FBXO31: variants seen among roughly 807,000 people sequenced by gnomAD.
FBXO31 encodes the protein F-box protein 31.
Under a neutral mutation model 54.4 loss-of-function variants are expected in FBXO31, and 24 were observed. The ratio of observed to expected loss-of-function variants is 0.44; its 90% confidence interval spans 0.32 to 0.62. FBXO31 has a LOEUF of 0.62. Among genes scored for constraint, FBXO31 ranks in the 20% least tolerant of loss-of-function variants. The pLI is 0.05. For synonymous variants in FBXO31, 388 were observed against 335.6 expected (o/e 1.16, Z -1.71); for missense variants, 665 against 787.1 (o/e 0.84, Z 1.86).
rs936419480 is a variant in FBXO31, at chr16:87,336,720, C to T, written c.733-456G>A. Among the ~76,000 whole-genome samples the T allele has an allele frequency of 1.3e-5, 2 of 152,142 alleles. No individual in the cohort carries two copies. Among genetic ancestry groups the T allele is most frequent in the Non-Finnish European group, 2.9e-5 (2 of 68,028 alleles). On this transcript the variant is annotated intron_variant, in intron 5 of 8. Coordinates refer to ENST00000311635, the MANE Select transcript of FBXO31 (RefSeq NM_024735.5). This position sits in a 1 kb window ranked among gnomAD's most constrained non-coding sequence, Gnocchi z 6.5. ...CCCTCACCACCAACCCTGAGCCGTG[C>T]GAGTCAGCCAAGGACGATGCACTGA... is the stretch of plus-strand genomic sequence containing the variant.
intron 2 of FBXO31, 52 bp from the exon 3 acceptor site, chr16:87,347,302 G>A (rs767485674): frequency 1.3e-6 from 2 of 1,537,702 alleles, no homozygotes; most frequent in African/African-American, 2.7e-5. Context: ...GCGTGCCGCA[G>A]GGAGCCCAGG....
chr16:87,346,376 C>A lies in FBXO31; in HGVS notation c.489+798G>T, dbSNP rs1419087876. On this transcript the variant is annotated intron_variant, in intron 3 of 8. Coordinates refer to ENST00000311635, the MANE Select transcript of FBXO31 (RefSeq NM_024735.5). This position sits in a 1 kb window ranked among gnomAD's most constrained non-coding sequence, Gnocchi z 4.2. Reference sequence around the variant, plus strand: ...CAGGAGAAAAGGCGGGGGCTAGACTCGAAAGAAACTTTCACTACTGTACCC... The same window carrying A: ...CAGGAGAAAAGGCGGGGGCTAGACTAGAAAGAAACTTTCACTACTGTACCC... Among the ~76,000 whole-genome samples the A allele has an allele frequency of 6.6e-6, 1 of 152,048 alleles. No homozygotes were observed. The highest frequency in any genetic ancestry group is 1.5e-5 in the Non-Finnish European group (1 of 68,022).
intron 1 of FBXO31, among the ~76,000 whole-genome samples, chr16:87,379,666 C>T (rs1906987265): frequency 6.6e-6 from 1 of 152,108 alleles, no homozygotes; most frequent in Non-Finnish European, 1.5e-5. Context: ...CATCCATCAG[C>T]CAGGGTCTGT....
chr16:87,380,421 C>T (rs977347412), intron 1 of FBXO31, among the ~76,000 whole-genome samples: 2 of 150,604 alleles, frequency 1.3e-5, no homozygotes, highest in African/African-American at 2.4e-5. Flanking sequence ...GTTTTTTTTG[C>T]GAAAGGGTCT....
upstream of FBXO31, among the ~76,000 whole-genome samples, chr16:87,388,189 G>A (rs1046571158): frequency 3.3e-5 from 5 of 152,210 alleles, no homozygotes; most frequent in Non-Finnish European, 5.9e-5. Context: ...TTTACCACGC[G>A]TTCTACTTTG....
rs1417382297 is a variant in FBXO31, at chr16:87,330,673, T to G, written c.*615A>C. 1.3e-5 allele frequency: 2 copies of G among 152,630 alleles called. No individual in the cohort carries two copies. The highest frequency in any genetic ancestry group is 3.9e-4 in the East Asian group (2 of 5,174). 9.5% of individuals were successfully genotyped at this position (152,630 alleles called of 1,614,324 possible). A position where few individuals can be genotyped will look rare whatever the true frequency, so the allele number is the denominator to read the frequency against. ...AAGCTGAGATCAGAGGTGAAATGCT[T>G]CTGTCCAAACTCCAAGCAAGCCGGT... is the stretch of plus-strand genomic sequence containing the variant. On this transcript the variant is annotated 3_prime_UTR_variant, in exon 9 of 9. Transcript: ENST00000311635.
intron 2 of FBXO31, among the ~76,000 whole-genome samples, chr16:87,359,123 G>A (rs1023578365): frequency 6.6e-6 from 1 of 152,232 alleles, no homozygotes; most frequent in African/African-American, 2.4e-5. Context: ...ATTTGCTTTG[G>A]CCACTGCAGA....
At chr16:87,347,127 C>T (rs1905423197) in intron 3 of FBXO31, 47 bp downstream of exon 3, 3 of 1,541,738 alleles carry the variant, frequency 1.9e-6, no homozygotes, top group Non-Finnish European at 2.7e-6. Flanking sequence ...ACGTAAGGCA[C>T]CACTCCTGCC....
intron 5 of FBXO31, among the ~76,000 whole-genome samples, chr16:87,339,558 G>A (rs57204345): frequency 0.15 from 23,093 of 152,230 alleles, 2,026 homozygotes; most frequent in South Asian, 0.34. Flanking sequence ...ACCGTCAGCA[G>A]CCCCAGCCTC....
intron 8 of FBXO31, 71 bp downstream of exon 8, chr16:87,333,815 T>C: frequency 6.7e-7 from 1 of 1,503,366 alleles, no homozygotes; most frequent in East Asian, 2.3e-5. Context: ...CTGTGCTAGG[T>C]GTGGGGCTGG....
At chr16:87,337,897 G>T (rs1330464261) in intron 5 of FBXO31, among the ~76,000 whole-genome samples, 2 of 151,686 alleles carry the variant, frequency 1.3e-5, no homozygotes, top group Non-Finnish European at 2.9e-5. Flanking sequence ...ACTTTTTTAG[G>T]ATTCAGAAAA....
At chr16:87,385,799 G>A (rs1250652216), upstream of FBXO31, among the ~76,000 whole-genome samples, 4 of 152,050 alleles carry the variant, frequency 2.6e-5, no homozygotes, top group Admixed American at 2.0e-4. Context: ...ACCTGAGGTT[G>A]GGAGTTCAAG....
chr16:87,340,376 C>A (rs748519904), intron 5 of FBXO31, among the ~76,000 whole-genome samples: 4 of 152,202 alleles, frequency 2.6e-5, no homozygotes, highest in Non-Finnish European at 5.9e-5. Flanking sequence ...CAGAAATGAA[C>A]CAAGTATACA....
chr16:87,384,385 C>T (rs977639203), upstream of FBXO31, among the ~76,000 whole-genome samples: 2 of 152,196 alleles, frequency 1.3e-5, no homozygotes, highest in Admixed American at 1.3e-4. Context: ...CCTGCGGAAG[C>T]CCCGGGGAGG....
At chr16:87,334,785 C>T (rs543553295) in intron 7 of FBXO31, among the ~76,000 whole-genome samples, 3 of 152,220 alleles carry the variant, frequency 2.0e-5, no homozygotes, top group Non-Finnish European at 2.9e-5. Flanking sequence ...TCAGGGCAGG[C>T]GGGCAGCATG....
intron 1 of FBXO31, among the ~76,000 whole-genome samples, chr16:87,362,976 C>A (rs1683951650): frequency 6.6e-6 from 1 of 152,210 alleles, no homozygotes; most frequent in Non-Finnish European, 1.5e-5. Flanking sequence ...CAGTCAGGGC[C>A]AGGGATGAGG....
upstream of FBXO31, chr16:87,391,853 C>T (rs1253966118): frequency 2.6e-5 from 4 of 152,474 alleles, no homozygotes; most frequent in East Asian, 7.7e-4. Context: ...CCCTGCGCGC[C>T]TCAGCCCCGG....
At chr16:87,355,555 G>A (rs904479480) in intron 2 of FBXO31, among the ~76,000 whole-genome samples, 1 of 152,190 alleles carries the variant, frequency 6.6e-6, no homozygotes, top group African/African-American at 2.4e-5. Flanking sequence ...ATGTTTAACT[G>A]CTGTTTTTCA....
At position 87,358,130 on chromosome 16, in the gene FBXO31, A is replaced by G. The variant is rs1191503967; in HGVS notation, c.412+2165T>C. 6.6e-6 allele frequency among the ~76,000 whole-genome samples: 1 copy of G among 152,234 alleles called. No homozygotes were observed. Among genetic ancestry groups the G allele is most frequent in the Non-Finnish European group, 1.5e-5 (1 of 68,040 alleles). ...GCAGTAGCTCCTCAATAAACGATAC[A>G]TGTGAAAATGTGCATTAAAGTGATC... On this transcript the variant is annotated intron_variant, in intron 2 of 8. Coordinates refer to ENST00000311635, the MANE Select transcript of FBXO31 (RefSeq NM_024735.5). This position sits in a 1 kb window ranked among gnomAD's most constrained non-coding sequence, Gnocchi z 4.0.
Sources: allele counts gnomAD v4.1 joint callset (sites outside exome capture counted in the v4.1 genomes callset), GRCh38; gene constraint gnomAD v4.1.1; non-coding constraint Gnocchi (gnomAD v3.1); transcripts MANE v1.5; gene names NCBI Gene and HGNC (gene_info 2026-07-23, HGNC 2026-07-21).